The following OR3A2 variants were observed in gnomAD, a reference collection of about 807,000 sequenced individuals.
The protein encoded by OR3A2 is olfactory receptor 3A2.
For synonymous variants in OR3A2, 126 were observed against 159.3 expected (o/e 0.79, Z 1.57); for missense variants, 318 against 392.8 (o/e 0.81, Z 1.61).
chr17:3,278,477 C>T (rs368789903), exon 2 of OR3A2: 19 of 1,614,130 alleles, frequency 1.2e-5, no homozygotes, highest in Non-Finnish European at 1.6e-5. Context: ...ACGCAGCCAC[C>T]AACATCCTCT....
At chr17:3,332,388 G>C (rs1158764980) in intron 3 of OR3A2, among the ~76,000 whole-genome samples, 1 of 152,228 alleles carries the variant, frequency 6.6e-6, no homozygotes, top group African/African-American at 2.4e-5. Flanking sequence ...GACCCTCCGA[G>C]CCAGGTGCAG....
chr17:3,371,719 G>A (rs371750846), intron 2 of OR3A2, among the ~76,000 whole-genome samples: 15 of 132,016 alleles, frequency 1.1e-4, no homozygotes, highest in Middle Eastern at 4.7e-3. Flanking sequence ...CCTCCCTCCC[G>A]GACGGGGCAG....
Position 3,278,878 on chromosome 17 carries a change from C to T in OR3A2, c.40G>A (p.Glu14Lys), listed in dbSNP as rs112274704. The change falls in exon 2 of 2, where the codon GAG becomes AAG. Residue 14 changes from glutamate to lysine, a missense_variant. By Grantham distance (56) the Glu-to-Lys change is moderately conservative (BLOSUM62 1). Coordinates refer to ENST00000642052, the Ensembl canonical transcript of OR3A2. ...TGCACTAGGCCCAGTAGAATGAACT[C>T]AGCAACAGCGGTCCTATTGGTCCCA... 3.2e-3 allele frequency: 4,904 copies of T among 1,517,970 alleles called. 132 individuals are homozygous for T. The African/African-American group carries it at 0.059, about 18-fold the overall frequency. 94.0% of individuals were successfully genotyped at this position (1,517,970 alleles called of 1,614,324 possible). A position where few individuals can be genotyped will look rare whatever the true frequency, so the allele number is the denominator to read the frequency against.
At chr17:3,322,147 A>G (rs2049129108) in intron 3 of OR3A2, among the ~76,000 whole-genome samples, 1 of 152,050 alleles carries the variant, frequency 6.6e-6, no homozygotes, top group Non-Finnish European at 1.5e-5. Context: ...TAGATTTTCT[A>G]GTTTATTTGC....
In OR3A2 at chr17:3,371,813, C is replaced by T. The variant is rs1465251345; in HGVS notation, c.-179+11991G>A. ...TCACCTCCTGGCCGGGGCGGCTGGC[C>T]GGGCGGGGGGCTGACCTCCCCACCA... On this transcript the variant is annotated intron_variant, in intron 2 of 4. Coordinates refer to the OR3A2 transcript ENST00000573491. Among the ~76,000 whole-genome samples, 7 of 124,848 alleles carry T rather than the reference C, an allele frequency of 5.6e-5. No homozygotes were observed. The South Asian group carries it at 1.8e-3, about 33-fold the overall frequency. The allele number at this position is 124,848 out of a possible 152,430, so 81.9% of individuals were successfully genotyped here.
intron 2 of OR3A2, among the ~76,000 whole-genome samples, chr17:3,340,568 T>C (rs893529334): frequency 3.3e-5 from 5 of 152,238 alleles, no homozygotes; most frequent in African/African-American, 1.2e-4. Context: ...TTCCATGTAC[T>C]TGTGTGGTTT....
intron 3 of OR3A2, among the ~76,000 whole-genome samples, chr17:3,333,397 C>A (rs1196252675): frequency 6.6e-6 from 1 of 152,140 alleles, no homozygotes. Context: ...TTTGCCTTTG[C>A]CTTGTGATCT....
At chr17:3,300,174 T>C (rs574968012) in intron 3 of OR3A2, among the ~76,000 whole-genome samples, 1 of 152,178 alleles carries the variant, frequency 6.6e-6, no homozygotes, top group East Asian at 1.9e-4. Context: ...ACAACTTTTA[T>C]GACATCATCT....
At chr17:3,345,287 C>T (rs921556418) in intron 2 of OR3A2, among the ~76,000 whole-genome samples, 5 of 152,152 alleles carry the variant, frequency 3.3e-5, no homozygotes, top group Admixed American at 3.3e-4. Flanking sequence ...ATAATCCGGA[C>T]ACATCTATTG....
chr17:3,297,356 C>T (rs76929269), intron 3 of OR3A2, among the ~76,000 whole-genome samples: 1,701 of 152,270 alleles, frequency 0.011, 36 homozygotes, highest in African/African-American at 0.038. Context: ...TGCCCTTTCC[C>T]ATCCACTTTA....
At chr17:3,314,336 T>G (rs2049064433) in intron 3 of OR3A2, among the ~76,000 whole-genome samples, 1 of 148,244 alleles carries the variant, frequency 6.7e-6, no homozygotes, top group Admixed American at 6.6e-5. Flanking sequence ...ATTCATCTTC[T>G]AAAGTAAAGA....
At chr17:3,369,411 T>A (rs2049592134) in intron 2 of OR3A2, among the ~76,000 whole-genome samples, 1 of 152,230 alleles carries the variant, frequency 6.6e-6, no homozygotes, top group Admixed American at 6.5e-5. Context: ...CCATGTCCCT[T>A]CTATGCTAAT....
chr17:3,352,532 T>C (rs578159871), intron 2 of OR3A2, among the ~76,000 whole-genome samples: 6 of 152,102 alleles, frequency 3.9e-5, no homozygotes, highest in African/African-American at 1.4e-4. Flanking sequence ...AGTGTATATC[T>C]TGCATCTTTG....
chr17:3,351,820 G>A (rs149678833), intron 2 of OR3A2, among the ~76,000 whole-genome samples: 127 of 152,222 alleles, frequency 8.3e-4, no homozygotes, highest in Non-Finnish European at 7.4e-4. Context: ...GCATGGTACT[G>A]GTACCAAAAC....
chr17:3,356,058 C>G lies in OR3A2; in HGVS notation c.-178-19932G>C, dbSNP rs375985082. ...CTGTCTCATAACCCATTATTTTAAA[C>G]TGATGACAGCTTAACACTGAGTGCA... is the stretch of plus-strand genomic sequence containing the variant. On this transcript the variant is annotated intron_variant, in intron 2 of 4. Transcript: ENST00000573491. Among the ~76,000 whole-genome samples the G allele has an allele frequency of 2.6e-5, 4 of 151,436 alleles. No individual in the cohort carries two copies. The South Asian group carries it at 6.2e-4, about 24-fold the overall frequency.
intron 3 of OR3A2, among the ~76,000 whole-genome samples, chr17:3,322,515 A>G (rs1162608675): frequency 6.6e-6 from 1 of 152,192 alleles, no homozygotes; most frequent in Non-Finnish European, 1.5e-5. Flanking sequence ...ATTTAGTGCT[A>G]TAAACTTCCC....
At chr17:3,383,926 A>AAATATTGTATACAAATATTTATTG (rs1345312670) in intron 1 of OR3A2, 2 of 150,494 alleles carry the variant, frequency 1.3e-5, no homozygotes, top group African/African-American at 4.9e-5. Flanking sequence ...TTTATTGAAT[A>AAATATTGTATACAAATATTTATTG]AATATTGTAT....
chr17:3,359,071 ATC>A lies in OR3A2; in HGVS notation c.-178-22947_-178-22946del, dbSNP rs1160572322. On this transcript the variant is annotated intron_variant, in intron 2 of 4. Coordinates refer to the OR3A2 transcript ENST00000573491. ...CTTTTTTGATATTTGTTGGTTTTAAATCTGTTTTGTCTGAAATTAGGATTGCA... is the reference window on the plus strand; with the variant it reads ...CTTTTTTGATATTTGTTGGTTTTAAATGTTTTGTCTGAAATTAGGATTGCA... Among the ~76,000 whole-genome samples the A allele has an allele frequency of 2.6e-5, 4 of 151,618 alleles. 1 individual carries two copies. Among genetic ancestry groups the A allele is most frequent in the African/African-American group, 9.7e-5 (4 of 41,026 alleles).
chr17:3,351,764 A>G (rs578034708), intron 2 of OR3A2, among the ~76,000 whole-genome samples: 420 of 152,060 alleles, frequency 2.8e-3, no homozygotes, highest in Non-Finnish European at 4.1e-3. Flanking sequence ...GAGGCATCAC[A>G]CTACCTGACT....
Sources: gnomAD v4.1 joint callset for allele counts (sites outside exome capture counted in the v4.1 genomes callset) on GRCh38, gnomAD v4.1.1 for gene constraint, MANE v1.5 for transcripts, NCBI Gene and HGNC (gene_info 2026-07-23, HGNC 2026-07-21) for gene names.